The following LIN54 variants were observed in gnomAD, a reference collection of about 807,000 sequenced individuals.
LIN54 encodes lin-54 DREAM MuvB core complex component.
In LIN54, 9 loss-of-function variants were observed where a neutral mutation model predicts 78.7. The observed-to-expected ratio is 0.11, with a 90% CI of 0.07 to 0.20. The LOEUF (loss-of-function observed/expected upper bound fraction) is 0.20, where lower values mean the gene tolerates loss of function less well. LIN54 is among the 10% of genes least tolerant of loss of function. LIN54 has a pLI of 1.00. For missense variants in LIN54, 573 were observed against 889.9 expected, an observed-to-expected ratio of 0.64 and a Z score of 4.53; for synonymous variants, 269 against 318.4, an observed-to-expected ratio of 0.84 and a Z score of 1.65.
chr4:82,942,397 A>G (rs1368677703), intron 5 of LIN54, among the ~76,000 whole-genome samples: 2 of 152,238 alleles, frequency 1.3e-5, no homozygotes, highest in Non-Finnish European at 2.9e-5. Context: ...ACTTTATGGT[A>G]TACATGAATT....
At chr4:82,975,485 C>A (rs900835671) in intron 3 of LIN54, among the ~76,000 whole-genome samples, 1 of 150,692 alleles carries the variant, frequency 6.6e-6, no homozygotes, top group Non-Finnish European at 1.5e-5. Flanking sequence ...CTGAGGTGGG[C>A]GGATTAGCTG....
chr4:82,977,721 C>G (rs1309525167), intron 3 of LIN54, among the ~76,000 whole-genome samples: 1 of 152,192 alleles, frequency 6.6e-6, no homozygotes, highest in Admixed American at 6.5e-5. Flanking sequence ...AATACACAGT[C>G]TAGGGATGGG....
chr4:82,931,163 G>C lies in LIN54; in HGVS notation c.1846-18C>G. 1 of 1,609,134 alleles carries C rather than the reference G, an allele frequency of 6.2e-7. No individual in the cohort carries two copies. Among genetic ancestry groups the C allele is most frequent in the Non-Finnish European group, 8.5e-7 (1 of 1,176,296 alleles). ...ATTTTTGCCTAAAAGATTTACATAA[G>C]AAAAGTTTCCAAATCAAAACCAAAA... On this transcript the variant is annotated intron_variant, in intron 11 of 12. Coordinates refer to ENST00000340417, the MANE Select transcript of LIN54 (RefSeq NM_194282.4).
chr4:82,927,829 G>A lies in LIN54; in HGVS notation c.*273C>T, dbSNP rs1041182807. The stretch of plus-strand genomic sequence containing the variant: ...CATTTTTTGTCAAAGGTATCAGAAA[G>A]AGAACATCTAATTCTTAAGAAACCC... On this transcript the variant is annotated 3_prime_UTR_variant, in exon 13 of 13. Coordinates refer to ENST00000340417, the MANE Select transcript of LIN54 (RefSeq NM_194282.4). The A allele has an allele frequency of 8.8e-6, 3 of 341,988 alleles. No homozygotes were observed. The highest frequency in any genetic ancestry group is 1.6e-5 in the Non-Finnish European group (3 of 191,318). The allele number at this position is 341,988 out of a possible 1,614,324, so 21.2% of individuals were successfully genotyped here. A position where few individuals can be genotyped will look rare whatever the true frequency, so the allele number is the denominator to read the frequency against.
chr4:83,003,032 G>A (rs111697445), intron 1 of LIN54, among the ~76,000 whole-genome samples: 2,436 of 152,234 alleles, frequency 0.016, 71 homozygotes, highest in African/African-American at 0.055. Flanking sequence ...TTGTGAGTGT[G>A]AGATGGAGTC....
chr4:82,991,258 C>T (rs1006025237), intron 1 of LIN54, among the ~76,000 whole-genome samples: 3 of 151,378 alleles, frequency 2.0e-5, no homozygotes, highest in African/African-American at 4.8e-5. Context: ...AGGTCTTATA[C>T]ATATTTTGTT....
intron 11 of LIN54, among the ~76,000 whole-genome samples, chr4:82,932,775 C>T (rs140419995): frequency 4.3e-4 from 65 of 151,948 alleles, no homozygotes; most frequent in African/African-American, 1.2e-3. Flanking sequence ...CAGTGAGCCG[C>T]GATCACGCGA....
At chr4:82,993,481 G>C (rs1727919168) in intron 1 of LIN54, among the ~76,000 whole-genome samples, 1 of 151,948 alleles carries the variant, frequency 6.6e-6, no homozygotes, top group Non-Finnish European at 1.5e-5. Flanking sequence ...GCCTCCCAAA[G>C]TGCTGGGATC....
chr4:82,993,248 C>T (rs1197049051), intron 1 of LIN54, among the ~76,000 whole-genome samples: 2 of 122,782 alleles, frequency 1.6e-5, no homozygotes, highest in Non-Finnish European at 3.2e-5. Flanking sequence ...TGGAGTTTCA[C>T]TCTTGTTGCC....
chr4:82,994,398 A>G (rs1728010581), intron 1 of LIN54, among the ~76,000 whole-genome samples: 1 of 148,356 alleles, frequency 6.7e-6, no homozygotes, highest in Admixed American at 6.8e-5. Flanking sequence ...TGCATTTTAA[A>G]AGAATTTTTT....
At chr4:82,998,210 C>G (rs1029656855) in intron 1 of LIN54, among the ~76,000 whole-genome samples, 1 of 151,606 alleles carries the variant, frequency 6.6e-6, no homozygotes, top group African/African-American at 2.4e-5. Flanking sequence ...TGACATACCA[C>G]CACATTACAG....
At chr4:82,949,065 T>C (rs1241190842) in intron 4 of LIN54, among the ~76,000 whole-genome samples, 1 of 152,176 alleles carries the variant, frequency 6.6e-6, no homozygotes, top group Non-Finnish European at 1.5e-5. Flanking sequence ...GGTAGTTCTA[T>C]TTTCAATTTC....
At chr4:82,981,719 A>C (rs1726666349) in intron 2 of LIN54, among the ~76,000 whole-genome samples, 1 of 152,074 alleles carries the variant, frequency 6.6e-6, no homozygotes, top group African/African-American at 2.4e-5. Flanking sequence ...TTTTTATTAG[A>C]TAGAAACAGG....
chr4:83,007,077 C>T (rs528438277), intron 1 of LIN54, among the ~76,000 whole-genome samples: 1 of 152,058 alleles, frequency 6.6e-6, no homozygotes, highest in South Asian at 2.1e-4. Flanking sequence ...GAGGTGGAGG[C>T]TGCAGTGAGC....
intron 4 of LIN54, among the ~76,000 whole-genome samples, chr4:82,947,235 A>ATATATATTTTTTTTTTTT: frequency 2.3e-5 from 1 of 44,288 alleles, no homozygotes; most frequent in African/African-American, 1.0e-4. Context: ...ATATATATAT[A>ATATATATTTTTTTTTTTT]TTTTTTTTTT....
At chr4:82,936,690 T>G (rs1722419644) in intron 9 of LIN54, among the ~76,000 whole-genome samples, 1 of 152,092 alleles carries the variant, frequency 6.6e-6, no homozygotes, top group Non-Finnish European at 1.5e-5. Flanking sequence ...AAATTTTATG[T>G]GCCCCCAAAG....
At chr4:82,998,960 T>C (rs1728501626) in intron 1 of LIN54, among the ~76,000 whole-genome samples, 1 of 152,120 alleles carries the variant, frequency 6.6e-6, no homozygotes, top group Admixed American at 6.6e-5. Context: ...TGGAGAGAAA[T>C]GTAAACAAAG....
In LIN54 at chr4:83,010,780, C is replaced by A. The variant is rs538870582; in HGVS notation, c.-329G>T. The stretch of plus-strand genomic sequence containing the variant: ...CACCATCACAGCTCAGCAGCTTCCC[C>A]GACAGCCGGAGCCCGGGCCGCCGCC... On this transcript the variant is annotated 5_prime_UTR_variant, in exon 1 of 13. Transcript: ENST00000340417. 1 of 1,234,758 alleles carries A rather than the reference C, an allele frequency of 8.1e-7. No individual in the cohort carries two copies. Among genetic ancestry groups the A allele is most frequent in the Non-Finnish European group, 1.0e-6 (1 of 990,486 alleles). The allele number at this position is 1,234,758 out of a possible 1,614,324, so 76.5% of individuals were successfully genotyped here.
intron 12 of LIN54, among the ~76,000 whole-genome samples, chr4:82,928,865 C>T (rs747629841): frequency 3.3e-5 from 5 of 152,110 alleles, no homozygotes; most frequent in South Asian, 2.1e-4. Flanking sequence ...AACAAAATGG[C>T]GAAACCAAAT....
Sources: allele counts gnomAD v4.1 joint callset (sites outside exome capture counted in the v4.1 genomes callset), GRCh38; gene constraint gnomAD v4.1.1; transcripts MANE v1.5; gene names NCBI Gene and HGNC (gene_info 2026-07-23, HGNC 2026-07-21).